CNKSR2: variants seen among roughly 807,000 people sequenced by gnomAD.
CNKSR2 encodes the protein CNK homolog protein 2.
A neutral mutation model predicts 84.4 loss-of-function variants in CNKSR2; 14 were observed. That is an observed-to-expected ratio of 0.17 (90% CI 0.11 to 0.26). The LOEUF (loss-of-function observed/expected upper bound fraction) is 0.26, where lower values mean the gene tolerates loss of function less well. CNKSR2 is among the 10% of genes least tolerant of loss of function. The pLI is 1.00. For missense variants in CNKSR2, 485 were observed against 771.2 expected, an observed-to-expected ratio of 0.63 and a Z score of 4.40; for synonymous variants, 275 against 277.9, an observed-to-expected ratio of 0.99 and a Z score of 0.10.
intron 20 of CNKSR2, among the ~76,000 whole-genome samples, chrX:21,632,389 G>A (rs2092652051): frequency 9.0e-6 from 1 of 111,569 alleles, no homozygotes; most frequent in Non-Finnish European, 1.9e-5. Flanking sequence ...GGTTCCCAAG[G>A]CCTTTTTTAA....
intron 20 of CNKSR2, among the ~76,000 whole-genome samples, chrX:21,613,939 C>CA (rs574989450): frequency 0.1 from 5,111 of 50,007 alleles, 166 homozygotes; most frequent in African/African-American, 0.18. Context: ...ACTCTGTCTC[C>CA]AAAAAAAAAA....
intron 21 of CNKSR2, among the ~76,000 whole-genome samples, chrX:21,650,843 G>A (rs1456124596): frequency 8.9e-6 from 1 of 111,969 alleles, no homozygotes; most frequent in Non-Finnish European, 1.9e-5. Flanking sequence ...ACAATTTAAT[G>A]GACTTTTGGG....
At chrX:21,593,080 GATA>G (rs750845147) in intron 15 of CNKSR2, 2 of 110,721 alleles carry the variant, frequency 1.8e-5, no homozygotes, top group Non-Finnish European at 3.8e-5. Context: ...CCTTTAATAT[GATA>G]ATATTTTTAG....
At chrX:21,456,117 A>G (rs941460684) in intron 4 of CNKSR2, among the ~76,000 whole-genome samples, 1 of 111,726 alleles carries the variant, frequency 9.0e-6, no homozygotes, top group Non-Finnish European at 1.9e-5. Context: ...GACATACAAC[A>G]TGATGCTTTG....
At chrX:21,384,191 GC>G (rs1307897534) in intron 1 of CNKSR2, among the ~76,000 whole-genome samples, 14 of 111,673 alleles carry the variant, frequency 1.3e-4, no homozygotes, top group Non-Finnish European at 2.4e-4. Flanking sequence ...CTCCTGGCCT[GC>G]TGGAACTTAC....
Position 21,517,870 on chromosome X carries a change from T to C in CNKSR2, c.957+1239T>C, listed in dbSNP as rs1036256054. Among the ~76,000 whole-genome samples, 9 of 111,693 alleles carry C rather than the reference T, an allele frequency of 8.1e-5. No homozygotes were observed. The Admixed American group carries it at 8.6e-4, about 11-fold the overall frequency. ...CCTTTTATTATTCATAGATTTTTTT[T>C]CCTAAGAATCAAAATTCTCCATTAT... On this transcript the variant is annotated intron_variant, in intron 9 of 21. Coordinates refer to ENST00000379510, the MANE Select transcript of CNKSR2 (RefSeq NM_014927.5).
intron 11 of CNKSR2, among the ~76,000 whole-genome samples, chrX:21,535,811 A>G (rs2091922926): frequency 9.0e-6 from 1 of 111,334 alleles, no homozygotes. Flanking sequence ...ATTGTCTGCA[A>G]ACAGGAACAA....
At chrX:21,433,099 A>T (rs1050595129) in intron 3 of CNKSR2, among the ~76,000 whole-genome samples, 22 of 111,793 alleles carry the variant, frequency 2.0e-4, no homozygotes, top group Admixed American at 1.9e-3. Flanking sequence ...AAATTTATAA[A>T]TTTTTGTTTA....
In CNKSR2 at chrX:21,386,512, G is replaced by A. The variant is rs775331430; in HGVS notation, c.64+11551G>A. Among the ~76,000 whole-genome samples the A allele has an allele frequency of 2.7e-3, 305 of 111,614 alleles. 1 individual carries two copies. The highest frequency in any genetic ancestry group is 9.2e-3 in the African/African-American group (282 of 30,744). The stretch of plus-strand genomic sequence containing the variant: ...GAGTGCTTGTAAAATGGTAATGAAA[G>A]GCACAATTCCATCTACATTATATTT... On this transcript the variant is annotated intron_variant, in intron 1 of 21. Transcript: ENST00000379510.
chrX:21,438,129 A>ACAT (rs1306537418), intron 3 of CNKSR2, among the ~76,000 whole-genome samples: 10 of 111,964 alleles, frequency 8.9e-5, no homozygotes, highest in African/African-American at 3.2e-4. Flanking sequence ...TGTTGTGCAA[A>ACAT]CATCATAGAG....
At chrX:21,632,554 C>T (rs149867999) in intron 20 of CNKSR2, among the ~76,000 whole-genome samples, 1,511 of 111,843 alleles carry the variant, frequency 0.014, 11 homozygotes, top group Middle Eastern at 0.028. Context: ...TTTGTGTGTA[C>T]TGTATTCATG....
chrX:21,485,461 ATGTG>A (rs1039216852), intron 5 of CNKSR2, among the ~76,000 whole-genome samples: 2 of 110,856 alleles, frequency 1.8e-5, no homozygotes, highest in Non-Finnish European at 1.9e-5. Flanking sequence ...ATATATATGT[ATGTG>A]TGTGTGCGTG....
chrX:21,590,526 T>C (rs371107524), intron 13 of CNKSR2, 46 bp from the exon 14 acceptor site: 3 of 1,148,121 alleles, frequency 2.6e-6, no homozygotes, highest in Non-Finnish European at 3.6e-6. Flanking sequence ...GTGCTCTGGA[T>C]CACACCCTGA....
chrX:21,426,977 A>C, intron 2 of CNKSR2: 1 of 242,678 alleles, frequency 4.1e-6, no homozygotes, highest in Non-Finnish European at 7.2e-6. Context: ...CTGCCAGTTG[A>C]GAAAGGAAAG....
chrX:21,587,371 G>C (rs964505885), intron 13 of CNKSR2, among the ~76,000 whole-genome samples: 2 of 111,148 alleles, frequency 1.8e-5, no homozygotes, highest in Non-Finnish European at 3.8e-5. Flanking sequence ...TTGGAAGAAG[G>C]GTAATCTGAA....
intron 11 of CNKSR2, among the ~76,000 whole-genome samples, chrX:21,544,368 T>C (rs952410521): frequency 8.9e-6 from 1 of 111,761 alleles, no homozygotes; most frequent in Non-Finnish European, 1.9e-5. Flanking sequence ...GGCCCAGTTA[T>C]AATCTCTCAG....
chrX:21,427,785 C>T (rs1473819435), intron 2 of CNKSR2: 1 of 112,181 alleles, frequency 8.9e-6, no homozygotes, highest in African/African-American at 3.2e-5. Flanking sequence ...TTAAGAAAGA[C>T]AATAGCCATC....
Position 21,445,655 on chromosome X carries a change from A to T in CNKSR2, c.519+4874A>T, listed in dbSNP as rs1026494834. On this transcript the variant is annotated intron_variant, in intron 4 of 21. Coordinates refer to ENST00000379510, the MANE Select transcript of CNKSR2 (RefSeq NM_014927.5). ...CCACAATCTACTCTCTACTTCTATG[A>T]GCTCAATTTTTTTAGCTTTCGCATA... Among the ~76,000 whole-genome samples, 3 of 111,391 alleles carry T rather than the reference A, an allele frequency of 2.7e-5. No homozygotes were observed. The Middle Eastern group carries it at 0.014, about 521-fold the overall frequency.
intron 20 of CNKSR2, among the ~76,000 whole-genome samples, chrX:21,610,493 G>T (rs2092544923): frequency 8.9e-6 from 1 of 112,081 alleles, no homozygotes; most frequent in Non-Finnish European, 1.9e-5. Context: ...AACATAAAAT[G>T]CACAAAACAA....
Sources: allele counts gnomAD v4.1 joint callset (sites outside exome capture counted in the v4.1 genomes callset), GRCh38; gene constraint gnomAD v4.1.1; transcripts MANE v1.5; gene names NCBI Gene and HGNC (gene_info 2026-07-23, HGNC 2026-07-21).